WHR1: variants seen among roughly 807,000 people sequenced by gnomAD.
The protein encoded by WHR1 is winged helix repair factor 1.
At chr6:31,976,166 G>T in the WHR1 span, among the ~76,000 whole-genome samples, 1 of 144,816 alleles carries the variant, frequency 6.9e-6, no homozygotes, top group South Asian at 2.2e-4. Context: ...CGGACAGGGC[G>T]GCTGGCCGGG....
the WHR1 span, chr6:31,980,890 G>A: frequency 8.9e-7 from 1 of 1,123,786 alleles, no homozygotes; most frequent in Non-Finnish European, 1.2e-6. Context: ...CCTAGTGAAG[G>A]CCAGTGGCTC....
chr6:31,973,161 T>C, the WHR1 span: 1 of 414,096 alleles, frequency 2.4e-6, no homozygotes, highest in South Asian at 2.0e-5. Flanking sequence ...GCTAAGAAGA[T>C]ACTGCATCTG....
chr6:31,979,800 CAG>C, the WHR1 span: 2 of 473,074 alleles, frequency 4.2e-6, no homozygotes, highest in Non-Finnish European at 3.8e-6. Flanking sequence ...CAAAAGCACA[CAG>C]GGGCCTGGCA....
At chr6:31,973,479 G>A in the WHR1 span, 1 of 167,994 alleles carries the variant, frequency 6.0e-6, no homozygotes, top group East Asian at 1.6e-4. Flanking sequence ...ATTCTGTGAT[G>A]TGGTGAGATC....
At chr6:31,979,111 C>A in the WHR1 span, 1 of 1,089,504 alleles carries the variant, frequency 9.2e-7, no homozygotes, top group Non-Finnish European at 1.3e-6. Context: ...CCCCCACATC[C>A]CATGGAGAGG....
At chr6:31,978,999 G>A in the WHR1 span, 1 of 1,612,252 alleles carries the variant, frequency 6.2e-7, no homozygotes, top group Non-Finnish European at 8.5e-7. Flanking sequence ...CAGGACCAGA[G>A]TATGTGACTG....
chr6:31,978,325 G>C, the WHR1 span, among the ~76,000 whole-genome samples: 1 of 151,470 alleles, frequency 6.6e-6, no homozygotes, highest in Admixed American at 6.6e-5. Context: ...GTGGCGGGTG[G>C]GGGGGTCTCA....
At chr6:31,977,945 G>A in the WHR1 span, among the ~76,000 whole-genome samples, 2 of 151,890 alleles carry the variant, frequency 1.3e-5, no homozygotes, top group Admixed American at 6.6e-5. Context: ...ACATCACCAC[G>A]CCCGGCTAAT....
the WHR1 span, among the ~76,000 whole-genome samples, chr6:31,976,116 C>T: frequency 2.8e-5 from 4 of 142,206 alleles, no homozygotes; most frequent in African/African-American, 2.7e-5. Flanking sequence ...CCGGACGGGG[C>T]GGCTGGCTGC....
the WHR1 span, chr6:31,971,972 T>C: frequency 6.3e-7 from 1 of 1,585,574 alleles, no homozygotes; most frequent in Non-Finnish European, 8.6e-7. This position sits in a 1 kb window ranked among gnomAD's most constrained non-coding sequence, Gnocchi z 4.5. Flanking sequence ...TATGACGTCA[T>C]GGCAGGCACG....
At chr6:31,979,044 TG>T in the WHR1 span, 1 of 1,583,998 alleles carries the variant, frequency 6.3e-7, no homozygotes. Context: ...GGGCACAGGT[TG>T]GGGGAGACAG....
At chr6:31,972,838 T>C in the WHR1 span, 1 of 1,590,964 alleles carries the variant, frequency 6.3e-7, no homozygotes, top group Non-Finnish European at 8.5e-7. This position sits in a 1 kb window ranked among gnomAD's most constrained non-coding sequence, Gnocchi z 6.3. Flanking sequence ...CCGCCAGCCG[T>C]TCAGCAAGCA....
the WHR1 span, chr6:31,971,998 T>C: frequency 6.2e-7 from 1 of 1,602,106 alleles, no homozygotes; most frequent in Non-Finnish European, 8.5e-7. The surrounding 1 kb of genome is among the most constrained non-coding windows in gnomAD (Gnocchi z 4.5). Context: ...GGCCGAAGGA[T>C]GCAAAAGTGG....
At chr6:31,978,945 G>A in the WHR1 span, 1 of 1,612,520 alleles carries the variant, frequency 6.2e-7, no homozygotes, top group Non-Finnish European at 8.5e-7. Flanking sequence ...CGTCCAGCTG[G>A]GCTTCGACTT....
chr6:31,976,069 G>A, the WHR1 span, among the ~76,000 whole-genome samples: 1 of 147,868 alleles, frequency 6.8e-6, no homozygotes, highest in African/African-American at 2.5e-5. Flanking sequence ...CAGACGGGGC[G>A]GCTGGCCGGG....
chr6:31,979,521 A>G, the WHR1 span: 3 of 1,612,906 alleles, frequency 1.9e-6, no homozygotes, highest in Non-Finnish European at 2.5e-6. Flanking sequence ...ACCAAATGAC[A>G]CAGACCTTTG....
chr6:31,973,114 T>G, the WHR1 span: 3 of 496,782 alleles, frequency 6.0e-6, no homozygotes, highest in East Asian at 4.4e-5. Flanking sequence ...AGAGAGGGAA[T>G]GGTGTATTGG....
chr6:31,977,550 C>T, the WHR1 span, among the ~76,000 whole-genome samples: 12 of 151,952 alleles, frequency 7.9e-5, no homozygotes, highest in East Asian at 3.9e-4. Flanking sequence ...GGGGTTTCAC[C>T]GTGTTAGCCA....
chr6:31,972,835 C>T, the WHR1 span: 1 of 1,591,244 alleles, frequency 6.3e-7, no homozygotes. The surrounding 1 kb of genome is among the most constrained non-coding windows in gnomAD (Gnocchi z 6.3). Context: ...ACTCCGCCAG[C>T]CGTTCAGCAA....
Sources: allele counts gnomAD v4.1 joint callset (sites outside exome capture counted in the v4.1 genomes callset), GRCh38; gene constraint gnomAD v4.1.1; non-coding constraint Gnocchi (gnomAD v3.1); transcripts MANE v1.5; gene names NCBI Gene and HGNC (gene_info 2026-07-23, HGNC 2026-07-21).